The following ELP3 variants were observed in gnomAD, a reference collection of about 807,000 sequenced individuals.
ELP3 encodes the protein elongator acetyltransferase complex subunit 3.
ELP3 carries 56 observed loss-of-function variants against 74.9 expected under a neutral mutation model. The ratio of observed to expected loss-of-function variants is 0.75; its 90% confidence interval spans 0.60 to 0.93. The LOEUF is 0.93. Among genes scored for constraint, ELP3 ranks in the 40% least tolerant of loss-of-function variants. The pLI, the probability that ELP3 is intolerant of heterozygous loss-of-function variation, is 0.00. For synonymous variants in ELP3, 222 were observed against 239.8 expected, an observed-to-expected ratio of 0.93 and a Z score of 0.68; for missense variants, 573 against 686.5, an observed-to-expected ratio of 0.83 and a Z score of 1.85.
chr8:28,140,014 C>T (rs1216197447), intron 10 of ELP3, among the ~76,000 whole-genome samples: 1 of 152,068 alleles, frequency 6.6e-6, no homozygotes, highest in Non-Finnish European at 1.5e-5. Context: ...GCAAATACTA[C>T]ACCATTTTAT....
intron 14 of ELP3, among the ~76,000 whole-genome samples, chr8:28,181,016 C>T (rs539869521): frequency 1.1e-4 from 16 of 152,280 alleles, no homozygotes; most frequent in African/African-American, 3.6e-4. Context: ...GACACTGCCC[C>T]CACGCCCCCA....
intron 14 of ELP3, among the ~76,000 whole-genome samples, chr8:28,170,873 G>A (rs367645035): frequency 6.6e-6 from 1 of 152,094 alleles, no homozygotes; most frequent in Non-Finnish European, 1.5e-5. Flanking sequence ...CCATTAAGCA[G>A]TAACTCCCAG....
intron 7 of ELP3, among the ~76,000 whole-genome samples, chr8:28,119,884 T>C (rs1207142174): frequency 3.9e-5 from 6 of 152,006 alleles, no homozygotes; most frequent in Non-Finnish European, 1.5e-5. Flanking sequence ...CCTCTCTCAC[T>C]GAGCATAGTA....
chr8:28,160,360 C>T lies in ELP3; in HGVS notation c.1389C>T (p.Phe463=), dbSNP rs771476746. ...AGTGTTCAGAAGAAACTTTCCGTTT[C>T]GAATTGGGTGGAGGTGTCTCCATAG... ...LRKCSEETFR[F]ELGGGVSIVR... Residue 463 remains phenylalanine (F), a synonymous_variant, in exon 13 of 15, where the codon TTC becomes TTT. Coordinates refer to ENST00000256398, the MANE Select transcript of ELP3 (RefSeq NM_018091.6). The T allele has an allele frequency of 6.2e-6, 10 of 1,614,010 alleles. No homozygotes were observed. Among genetic ancestry groups the T allele is most frequent in the Middle Eastern group, 1.6e-4 (1 of 6,084 alleles).
intron 14 of ELP3, among the ~76,000 whole-genome samples, chr8:28,170,435 A>G (rs1814474523): frequency 6.6e-6 from 1 of 152,192 alleles, no homozygotes; most frequent in Non-Finnish European, 1.5e-5. Context: ...AGAGCTTGGC[A>G]GGTCCAACAA....
At chr8:28,092,683 G>A (rs1369698213), upstream of ELP3, among the ~76,000 whole-genome samples, 1 of 152,122 alleles carries the variant, frequency 6.6e-6, no homozygotes, top group African/African-American at 2.4e-5. Flanking sequence ...CCCAAAGCCT[G>A]CACCTCGGAT....
At chr8:28,189,332 G>A (rs1815365071) in intron 14 of ELP3, among the ~76,000 whole-genome samples, 1 of 152,230 alleles carries the variant, frequency 6.6e-6, no homozygotes, top group South Asian at 2.1e-4. Context: ...GCCTGGTGTT[G>A]CCAGTAGGGT....
intron 7 of ELP3, among the ~76,000 whole-genome samples, chr8:28,124,004 C>T (rs1812478951): frequency 6.6e-6 from 1 of 151,748 alleles, no homozygotes; most frequent in Admixed American, 6.6e-5. Flanking sequence ...AGTCTGTTAA[C>T]ATTTGATGTA....
At chr8:28,114,382 A>AT (rs1812039457) in intron 7 of ELP3, among the ~76,000 whole-genome samples, 1 of 152,134 alleles carries the variant, frequency 6.6e-6, no homozygotes, top group Admixed American at 6.5e-5. Flanking sequence ...AAGAGGTTTA[A>AT]TTGGTTCCAG....
At chr8:28,185,120 C>A (rs1404204485) in intron 14 of ELP3, among the ~76,000 whole-genome samples, 1 of 152,190 alleles carries the variant, frequency 6.6e-6, no homozygotes, top group African/African-American at 2.4e-5. Flanking sequence ...AAAACAGTAT[C>A]TGTTTTGTAA....
intron 10 of ELP3, among the ~76,000 whole-genome samples, chr8:28,153,426 A>C (rs1318723189): frequency 1.3e-5 from 2 of 152,224 alleles, no homozygotes; most frequent in Non-Finnish European, 2.9e-5. Context: ...TATGCTGTTT[A>C]GAAATTAGAA....
Position 28,129,566 on chromosome 8 carries a change from A to C in ELP3, c.682A>C (p.Met228Leu). The change falls in exon 8 of 15, where the codon ATG becomes CTG. Residue 228 changes from methionine (M) to leucine (L), a missense_variant. Coordinates refer to ENST00000256398, the MANE Select transcript of ELP3 (RefSeq NM_018091.6). ...TATTGAAACCAGACCAGATTACTGC[A>C]TGAAGCGACATTTAAGTGACATGTT... ...ITIETRPDYC[M>L]KRHLSDMLTY... 1 of 1,614,232 alleles carries C rather than the reference A, an allele frequency of 6.2e-7. No homozygotes were observed. The highest frequency in any genetic ancestry group is 1.7e-5 in the Admixed American group (1 of 60,032).
intron 7 of ELP3, among the ~76,000 whole-genome samples, chr8:28,116,130 A>G (rs1364861867): frequency 6.6e-6 from 1 of 152,158 alleles, no homozygotes; most frequent in Non-Finnish European, 1.5e-5. Flanking sequence ...GGGGGCAGCC[A>G]CATCTTTTTG....
chr8:28,189,445 C>T (rs1241562322), intron 14 of ELP3, among the ~76,000 whole-genome samples: 1 of 152,146 alleles, frequency 6.6e-6, no homozygotes, highest in Non-Finnish European at 1.5e-5. Context: ...GGGAAAGAGT[C>T]TTCTTCTCTC....
At chr8:28,104,963 A>G (rs1357996687) in intron 3 of ELP3, among the ~76,000 whole-genome samples, 3 of 152,190 alleles carry the variant, frequency 2.0e-5, no homozygotes, top group South Asian at 2.1e-4. Context: ...ATCTGTTACT[A>G]TTTATTTTGA....
chr8:28,112,925 G>A, intron 6 of ELP3, 94 bp from the exon 7 acceptor site: 1 of 1,231,104 alleles, frequency 8.1e-7, no homozygotes. Context: ...AAACTGTACT[G>A]ATGAAAACAC....
At chr8:28,169,822 C>T (rs1275299515) in intron 14 of ELP3, among the ~76,000 whole-genome samples, 1 of 152,132 alleles carries the variant, frequency 6.6e-6, no homozygotes, top group Non-Finnish European at 1.5e-5. Context: ...AGGATCCCCT[C>T]CCAAGTTCAC....
At chr8:28,136,839 C>A (rs560971689) in intron 9 of ELP3, among the ~76,000 whole-genome samples, 21 of 152,124 alleles carry the variant, frequency 1.4e-4, no homozygotes, top group Admixed American at 3.9e-4. Context: ...TTATGCAAAA[C>A]AAGATTAGAG....
intron 7 of ELP3, among the ~76,000 whole-genome samples, chr8:28,117,726 C>A (rs80235858): frequency 0.058 from 8,850 of 151,420 alleles, 785 homozygotes; most frequent in African/African-American, 0.19. Context: ...TTTATGAGAT[C>A]ATCTGGAAAA....
Sources: gnomAD v4.1 joint callset for allele counts (sites outside exome capture counted in the v4.1 genomes callset) on GRCh38, gnomAD v4.1.1 for gene constraint, MANE v1.5 for transcripts, NCBI Gene and HGNC (gene_info 2026-07-23, HGNC 2026-07-21) for gene names.